The following ARG2 variants were observed in gnomAD, a reference collection of about 807,000 sequenced individuals.
The protein encoded by ARG2 is arginase-2, mitochondrial.
A neutral mutation model predicts 39.4 loss-of-function variants in ARG2; 21 were observed. That is an observed-to-expected ratio of 0.53 (90% CI 0.38 to 0.77). The LOEUF is 0.77. Among genes scored for constraint, ARG2 ranks in the 30% least tolerant of loss-of-function variants. ARG2 has a pLI of 0.00. For synonymous variants in ARG2, 150 were observed against 156.7 expected, an observed-to-expected ratio of 0.96 and a Z score of 0.32; for missense variants, 378 against 426.2, an observed-to-expected ratio of 0.89 and a Z score of 1.00.
Position 67,651,183 on chromosome 14 carries a change from G to T in ARG2, c.*263G>T. 3 of 1,038,314 alleles carry T rather than the reference G, an allele frequency of 2.9e-6. No individual in the cohort carries two copies. The highest frequency in any genetic ancestry group is 4.1e-6 in the Non-Finnish European group (3 of 734,844). The allele number at this position is 1,038,314 out of a possible 1,614,324, so 64.3% of individuals were successfully genotyped here. ...GTCATAAACAGCATTTATTACCTTG[G>T]TATATCATACTGGTCTTGTTGCTGT... On this transcript the variant is annotated 3_prime_UTR_variant, in exon 8 of 8. Coordinates refer to ENST00000261783, the MANE Select transcript of ARG2 (RefSeq NM_001172.4).
chr14:67,639,076 G>A (rs752600880), intron 2 of ARG2, among the ~76,000 whole-genome samples: 6 of 152,258 alleles, frequency 3.9e-5, no homozygotes, highest in Non-Finnish European at 7.3e-5. Context: ...TGAGAGCAGA[G>A]TGGTGGCCTG....
intron 2 of ARG2, among the ~76,000 whole-genome samples, chr14:67,627,780 A>G (rs1048596119): frequency 1.3e-5 from 2 of 151,756 alleles, no homozygotes; most frequent in South Asian, 2.1e-4. Flanking sequence ...ACATTTTTTA[A>G]GAGTCTATTT....
intron 3 of ARG2, among the ~76,000 whole-genome samples, chr14:67,645,389 T>G (rs950182161): frequency 6.6e-6 from 1 of 152,096 alleles, no homozygotes; most frequent in African/African-American, 2.4e-5. Flanking sequence ...TTATACGGAT[T>G]TGGGGACAGG....
intron 2 of ARG2, among the ~76,000 whole-genome samples, chr14:67,629,769 C>G (rs1188120722): frequency 6.6e-6 from 1 of 152,114 alleles, no homozygotes; most frequent in Admixed American, 6.5e-5. Flanking sequence ...GAAATGTGTT[C>G]AAGATCCTAC....
intron 2 of ARG2, among the ~76,000 whole-genome samples, chr14:67,635,670 A>G (rs1457287876): frequency 1.3e-5 from 2 of 152,128 alleles, no homozygotes; most frequent in African/African-American, 4.8e-5. Flanking sequence ...TCTGGCCAAC[A>G]TGGTGAAACC....
At chr14:67,641,806 CTT>C (rs201246589) in intron 2 of ARG2, among the ~76,000 whole-genome samples, 1,771 of 152,154 alleles carry the variant, frequency 0.012, 33 homozygotes, top group African/African-American at 0.041. Context: ...ATGAGACTCT[CTT>C]TGTGTATTTT....
chr14:67,647,850 G>A, intron 6 of ARG2, 197 bp from the exon 7 acceptor site: 1 of 593,300 alleles, frequency 1.7e-6, no homozygotes, highest in Admixed American at 3.0e-5. Flanking sequence ...TCATGAAGTG[G>A]TATGTAGGAA....
At chr14:67,627,485 A>G (rs559400123) in intron 2 of ARG2, among the ~76,000 whole-genome samples, 3 of 152,256 alleles carry the variant, frequency 2.0e-5, no homozygotes, top group Admixed American at 2.0e-4. Flanking sequence ...AAGAGATGAA[A>G]CTGGCATCTC....
intron 2 of ARG2, among the ~76,000 whole-genome samples, chr14:67,623,835 C>G (rs565482808): frequency 6.6e-6 from 1 of 152,096 alleles, no homozygotes; most frequent in Admixed American, 6.5e-5. Context: ...AGCCACTGCT[C>G]CCAGCCACCT....
intron 2 of ARG2, among the ~76,000 whole-genome samples, chr14:67,625,680 C>CAAA (rs1176476000): frequency 0.057 from 1,813 of 32,032 alleles, 132 homozygotes; most frequent in African/African-American, 0.16. Flanking sequence ...AACTCCATCT[C>CAAA]AAAAAAAAAA....
chr14:67,627,512 C>T (rs972967814), intron 2 of ARG2, among the ~76,000 whole-genome samples: 9 of 152,030 alleles, frequency 5.9e-5, no homozygotes, highest in African/African-American at 2.2e-4. Context: ...GCCTTTTGAA[C>T]AGTGTCATAT....
Position 67,645,709 on chromosome 14 carries a change from T to C in ARG2, c.429T>C (p.Asp143=). Residue 143 remains aspartate (D), a synonymous_variant, in exon 4 of 8, where the codon GAT becomes GAC. Coordinates refer to ENST00000261783, the MANE Select transcript of ARG2 (RefSeq NM_001172.4). ...HCPDLCVVWV[D]AHADINTPLT... ...CAGACCTTTGTGTTGTCTGGGTTGA[T>C]GCCCATGCTGACATCAACACACCCC... The C allele has an allele frequency of 6.2e-7, 1 of 1,614,076 alleles. No individual in the cohort carries two copies. The highest frequency in any genetic ancestry group is 1.6e-4 in the Middle Eastern group (1 of 6,062).
chr14:67,644,521 A>G (rs2037071584), intron 3 of ARG2, among the ~76,000 whole-genome samples: 1 of 152,172 alleles, frequency 6.6e-6, no homozygotes, highest in Non-Finnish European at 1.5e-5. Flanking sequence ...ATTGACCAAG[A>G]AGGATGGTTG....
Position 67,651,559 on chromosome 14 carries a change from G to A in ARG2, c.*639G>A. 6.7e-7 allele frequency: 1 copy of A among 1,502,716 alleles called. No homozygotes were observed. The highest frequency in any genetic ancestry group is 9.0e-7 in the Non-Finnish European group (1 of 1,108,606). The allele number at this position is 1,502,716 out of a possible 1,614,324, so 93.1% of individuals were successfully genotyped here. On this transcript the variant is annotated 3_prime_UTR_variant, in exon 8 of 8. Transcript: ENST00000261783. ...CTAAACATTTTGGGGTTAGACCTGG[G>A]ACCACGGCTGGATACTCTGAGGCTG...
In ARG2 at chr14:67,645,726, ACACACC is replaced by A. The variant is rs754211155; in HGVS notation, c.448_453del (p.Thr150_Pro151del). On this transcript the variant is annotated inframe_deletion, in exon 4 of 8. Coordinates refer to ENST00000261783, the MANE Select transcript of ARG2 (RefSeq NM_001172.4). ...TGGGTTGATGCCCATGCTGACATCA[ACACACC>A]CCTTACCACTTCATCAGGAAATCTC... is the stretch of plus-strand genomic sequence containing the variant. The A allele has an allele frequency of 6.2e-7, 1 of 1,614,054 alleles. No individual in the cohort carries two copies. Among genetic ancestry groups the A allele is most frequent in the Admixed American group, 1.7e-5 (1 of 59,998 alleles).
intron 2 of ARG2, among the ~76,000 whole-genome samples, chr14:67,630,197 C>G (rs189169956): frequency 6.6e-6 from 1 of 152,158 alleles, no homozygotes; most frequent in Non-Finnish European, 1.5e-5. Flanking sequence ...AAAGTAATTG[C>G]GGTTTTTGCT....
At chr14:67,628,583 T>A (rs539540451) in intron 2 of ARG2, among the ~76,000 whole-genome samples, 1 of 152,328 alleles carries the variant, frequency 6.6e-6, no homozygotes, top group Admixed American at 6.5e-5. Context: ...ACTTAATACC[T>A]CTTATCAAAA....
intron 2 of ARG2, among the ~76,000 whole-genome samples, chr14:67,629,564 TAC>T (rs1156959030): frequency 6.6e-6 from 1 of 152,196 alleles, no homozygotes; most frequent in Admixed American, 6.5e-5. Flanking sequence ...GCTTAATGGG[TAC>T]AGAGTTTGTT....
intron 2 of ARG2, among the ~76,000 whole-genome samples, chr14:67,630,950 G>A (rs1020531195): frequency 4.6e-5 from 7 of 152,084 alleles, no homozygotes; most frequent in Admixed American, 2.0e-4. Flanking sequence ...TTTTCTTTCC[G>A]GAAAAAGGGA....
Sources: gnomAD v4.1 joint callset for allele counts (sites outside exome capture counted in the v4.1 genomes callset) on GRCh38, gnomAD v4.1.1 for gene constraint, MANE v1.5 for transcripts, NCBI Gene and HGNC (gene_info 2026-07-23, HGNC 2026-07-21) for gene names.